C7orf78: variants seen among roughly 807,000 people sequenced by gnomAD.
C7orf78 encodes chromosome 7 open reading frame 78.
chr7:12,520,945 A>T, the C7orf78 span, among the ~76,000 whole-genome samples: 1 of 152,120 alleles, frequency 6.6e-6, no homozygotes, highest in Non-Finnish European at 1.5e-5. Flanking sequence ...CTTCCTTAAT[A>T]TACTTCTTAA....
At chr7:12,530,191 G>A in the C7orf78 span, among the ~76,000 whole-genome samples, 2 of 152,108 alleles carry the variant, frequency 1.3e-5, no homozygotes, top group African/African-American at 4.8e-5. Flanking sequence ...TAAAGAGTGG[G>A]GGTTGTGGAA....
chr7:12,512,565 G>T, the C7orf78 span, among the ~76,000 whole-genome samples: 1 of 152,076 alleles, frequency 6.6e-6, no homozygotes, highest in Non-Finnish European at 1.5e-5. Context: ...ATATCTTTTT[G>T]ATGTGCAGTT....
At chr7:12,529,239 A>G in the C7orf78 span, among the ~76,000 whole-genome samples, 1 of 152,092 alleles carries the variant, frequency 6.6e-6, no homozygotes, top group Non-Finnish European at 1.5e-5. Flanking sequence ...CTTTTCTTTT[A>G]TTTCTAGATC....
the C7orf78 span, among the ~76,000 whole-genome samples, chr7:12,519,123 A>T: frequency 2.6e-5 from 4 of 152,084 alleles, no homozygotes; most frequent in African/African-American, 9.7e-5. Flanking sequence ...TAGCCAGAGC[A>T]CATGACCATA....
At chr7:12,518,734 G>A in the C7orf78 span, among the ~76,000 whole-genome samples, 1 of 152,156 alleles carries the variant, frequency 6.6e-6, no homozygotes, top group South Asian at 2.1e-4. Flanking sequence ...GCCTGATGGT[G>A]TGCAGGGGGA....
chr7:12,515,079 G>T, the C7orf78 span, among the ~76,000 whole-genome samples: 8 of 152,100 alleles, frequency 5.3e-5, no homozygotes, highest in Admixed American at 4.6e-4. Context: ...ACTACAATGT[G>T]CTGTCTCCAT....
the C7orf78 span, among the ~76,000 whole-genome samples, chr7:12,495,651 GT>G: frequency 6.6e-6 from 1 of 151,912 alleles, no homozygotes; most frequent in Non-Finnish European, 1.5e-5. Flanking sequence ...AAAGTCTCTT[GT>G]TTTTATTTTC....
chr7:12,534,015 T>G, the C7orf78 span, among the ~76,000 whole-genome samples: 1 of 152,236 alleles, frequency 6.6e-6, no homozygotes, highest in Non-Finnish European at 1.5e-5. Context: ...GTTCCTCTTA[T>G]TTTTTCATTT....
At chr7:12,537,577 A>T in the C7orf78 span, among the ~76,000 whole-genome samples, 2 of 152,210 alleles carry the variant, frequency 1.3e-5, no homozygotes, top group African/African-American at 4.8e-5. Context: ...CTAAAGTTGG[A>T]TGTATACATA....
the C7orf78 span, among the ~76,000 whole-genome samples, chr7:12,508,102 A>C: frequency 6.6e-6 from 1 of 152,232 alleles, no homozygotes; most frequent in Admixed American, 6.5e-5. Flanking sequence ...AAGATAACCA[A>C]CTGACATGAA....
the C7orf78 span, among the ~76,000 whole-genome samples, chr7:12,497,464 G>C: frequency 3.8e-5 from 3 of 78,760 alleles, no homozygotes; most frequent in South Asian, 1.8e-3. Flanking sequence ...AAGGGGTGAC[G>C]GACGGCACCT....
At chr7:12,516,411 G>A in the C7orf78 span, among the ~76,000 whole-genome samples, 138 of 152,364 alleles carry the variant, frequency 9.1e-4, no homozygotes, top group African/African-American at 3.2e-3. Flanking sequence ...TGCTGCAGGA[G>A]CGGGGCACTC....
chr7:12,511,997 G>C, the C7orf78 span, among the ~76,000 whole-genome samples: 3 of 136,298 alleles, frequency 2.2e-5, no homozygotes, highest in East Asian at 2.2e-4. Flanking sequence ...GGATGGTCTC[G>C]ATCTCCTGAC....
the C7orf78 span, among the ~76,000 whole-genome samples, chr7:12,500,363 A>G: frequency 1.3e-4 from 19 of 151,152 alleles, no homozygotes; most frequent in African/African-American, 3.6e-4. Flanking sequence ...AGAGAGAAGA[A>G]TCAAATAGAC....
chr7:12,528,302 G>A, the C7orf78 span, among the ~76,000 whole-genome samples: 4 of 151,474 alleles, frequency 2.6e-5, no homozygotes, highest in Admixed American at 2.6e-4. Flanking sequence ...TATATGCTAT[G>A]TGTCACTCAC....
At chr7:12,519,638 C>T in the C7orf78 span, among the ~76,000 whole-genome samples, 1 of 152,214 alleles carries the variant, frequency 6.6e-6, no homozygotes, top group Non-Finnish European at 1.5e-5. Context: ...AAAGAAAGCT[C>T]ATCAGCTCTG....
chr7:12,489,793 T>C, the C7orf78 span, among the ~76,000 whole-genome samples: 1 of 152,138 alleles, frequency 6.6e-6, no homozygotes, highest in Non-Finnish European at 1.5e-5. Context: ...AGGACCAATA[T>C]TGCTGCATTT....
the C7orf78 span, among the ~76,000 whole-genome samples, chr7:12,501,566 T>C: frequency 7.3e-6 from 1 of 136,844 alleles, no homozygotes; most frequent in Non-Finnish European, 1.6e-5. Flanking sequence ...AAACCACTGC[T>C]CAAGGAAATA....
chr7:12,515,951 G>T, the C7orf78 span, among the ~76,000 whole-genome samples: 2 of 152,190 alleles, frequency 1.3e-5, no homozygotes, highest in African/African-American at 4.8e-5. Flanking sequence ...AAAATTTGCA[G>T]CCTGACAATG....
Sources: allele counts gnomAD v4.1 joint callset (sites outside exome capture counted in the v4.1 genomes callset), GRCh38; gene constraint gnomAD v4.1.1; transcripts MANE v1.5; gene names NCBI Gene and HGNC (gene_info 2026-07-23, HGNC 2026-07-21).